Variants in TAMM41 observed in about 807,000 individuals in gnomAD.
The protein encoded by TAMM41 is TAM41 mitochondrial translocator assembly and maintenance homolog.
In TAMM41, 36 loss-of-function variants were observed where a neutral mutation model predicts 44.1. The ratio of observed to expected loss-of-function variants is 0.82; its 90% CI spans 0.63 to 1.08. The LOEUF is 1.08. Ranked by LOEUF, TAMM41 falls within the 50% of genes least tolerant of loss-of-function variation. The probability of loss-of-function intolerance (pLI) is 0.00; values close to 1 mark genes in which losing one functional copy is unlikely to be tolerated. For synonymous variants in TAMM41, 164 were observed against 153.1 expected, an observed-to-expected ratio of 1.07 and a Z score of -0.53; for missense variants, 417 against 404.3, an observed-to-expected ratio of 1.03 and a Z score of -0.27.
chr3:11,793,059 C>CA (rs61264653), intron 7 of TAMM41, among the ~76,000 whole-genome samples: 10,393 of 64,940 alleles, frequency 0.16, 1,178 homozygotes, highest in Non-Finnish European at 0.21. Context: ...GGCCCCATCT[C>CA]AAAAAAAAAA....
downstream of TAMM41, among the ~76,000 whole-genome samples, chr3:11,786,141 A>G (rs984908475): frequency 4.6e-5 from 7 of 152,124 alleles, no homozygotes; most frequent in East Asian, 7.7e-4. Context: ...CAGGGCTGTT[A>G]GCAGCTTCCT....
rs931945271 is a variant in TAMM41 at position 11,808,395 on chromosome 3, G to A, written c.875-500C>T. The A allele has an allele frequency of 1.6e-5, 16 of 995,704 alleles. No individual in the cohort carries two copies. In the South Asian group the frequency reaches 5.9e-4, roughly 37 times the overall value. The allele number at this position is 995,704 out of a possible 1,614,324, so 61.7% of individuals were successfully genotyped here. ...ATCATGTTCAAACAAACAACAGTGT[G>A]CCTCGTACAGAGCTATCTTCAGGAT... On this transcript the variant is annotated intron_variant, in intron 6 of 7. Coordinates refer to ENST00000455809, the MANE Select transcript of TAMM41 (RefSeq NM_001284401.2).
At chr3:11,799,738 CAA>C (rs2077700056) in intron 7 of TAMM41, among the ~76,000 whole-genome samples, 1 of 152,146 alleles carries the variant, frequency 6.6e-6, no homozygotes, top group African/African-American at 2.4e-5. Flanking sequence ...ACAAGAGACC[CAA>C]TGACCCCCAG....
chr3:11,736,893 C>G, the TAMM41 span, among the ~76,000 whole-genome samples: 1 of 152,148 alleles, frequency 6.6e-6, no homozygotes, highest in South Asian at 2.1e-4. Flanking sequence ...GGCTAAGACA[C>G]AGGCTCAGCC....
At chr3:11,839,147 A>T in intron 3 of TAMM41, 75 bp downstream of exon 3, 1 of 877,552 alleles carries the variant, frequency 1.1e-6, no homozygotes, top group Non-Finnish European at 1.8e-6. Flanking sequence ...ATCTCATTGC[A>T]ATCACAATGA....
At chr3:11,797,876 C>A (rs2077648482) in intron 7 of TAMM41, among the ~76,000 whole-genome samples, 1 of 152,042 alleles carries the variant, frequency 6.6e-6, no homozygotes, top group Non-Finnish European at 1.5e-5. Context: ...ATACATGCAG[C>A]CAACAATCAA....
chr3:11,791,781 C>T (rs964542712), intron 7 of TAMM41, among the ~76,000 whole-genome samples: 1 of 152,172 alleles, frequency 6.6e-6, no homozygotes, highest in Admixed American at 6.5e-5. Flanking sequence ...ATGAATACTT[C>T]CAGACACTCT....
At chr3:11,746,915 C>T in the TAMM41 span, among the ~76,000 whole-genome samples, 1 of 152,160 alleles carries the variant, frequency 6.6e-6, no homozygotes, top group Admixed American at 6.5e-5. Flanking sequence ...GGATTATAGG[C>T]ATGAGCCACT....
the TAMM41 span, among the ~76,000 whole-genome samples, chr3:11,753,904 G>A: frequency 6.6e-6 from 1 of 152,120 alleles, no homozygotes; most frequent in Non-Finnish European, 1.5e-5. Flanking sequence ...GATAAAGGGG[G>A]CATGGCCAGA....
At chr3:11,735,818 A>G in the TAMM41 span, among the ~76,000 whole-genome samples, 1 of 152,228 alleles carries the variant, frequency 6.6e-6, no homozygotes, top group South Asian at 2.1e-4. Context: ...TAATGAGGGA[A>G]GAATGTGATG....
At chr3:11,752,348 G>A in the TAMM41 span, among the ~76,000 whole-genome samples, 4,321 of 152,138 alleles carry the variant, frequency 0.028, 210 homozygotes, top group African/African-American at 0.099. Context: ...AAGGGGACCC[G>A]AGTGGGTTGC....
At chr3:11,767,711 C>T in the TAMM41 span, among the ~76,000 whole-genome samples, 7 of 136,146 alleles carry the variant, frequency 5.1e-5, no homozygotes, top group African/African-American at 1.4e-4. Flanking sequence ...CTGCAACCTC[C>T]GCCTCCCGGG....
chr3:11,746,473 C>G, the TAMM41 span, among the ~76,000 whole-genome samples: 1 of 151,936 alleles, frequency 6.6e-6, no homozygotes, highest in African/African-American at 2.4e-5. Flanking sequence ...TGTCCATCAA[C>G]AGATGGACAT....
chr3:11,788,563 C>T (rs1272244157), downstream of TAMM41, among the ~76,000 whole-genome samples: 2 of 152,146 alleles, frequency 1.3e-5, no homozygotes, highest in Admixed American at 6.5e-5. Context: ...TGCTGGGATT[C>T]CAAGCATGAG....
chr3:11,800,337 C>T lies in TAMM41; in HGVS notation c.937+7496G>A, dbSNP rs7617056. Among the ~76,000 whole-genome samples the T allele has an allele frequency of 2.3e-3, 349 of 151,932 alleles. 1 individual carries two copies. Among genetic ancestry groups the T allele is most frequent in the Non-Finnish European group, 3.7e-3 (249 of 67,938 alleles). On this transcript the variant is annotated intron_variant, in intron 7 of 7. Transcript: ENST00000455809. ...TCAATATTAACTTTAAATGTAAATGCATTAAATGCTTCATTTAAAAGATAC... is the reference window on the plus strand; with the variant it reads ...TCAATATTAACTTTAAATGTAAATGTATTAAATGCTTCATTTAAAAGATAC...
At chr3:11,824,509 G>A (rs893556490) in intron 4 of TAMM41, among the ~76,000 whole-genome samples, 1 of 151,386 alleles carries the variant, frequency 6.6e-6, no homozygotes, top group African/African-American at 2.4e-5. Flanking sequence ...GGCCAGGTTG[G>A]TCTCGAACTC....
chr3:11,805,225 C>T (rs983362638), intron 7 of TAMM41, among the ~76,000 whole-genome samples: 2 of 152,066 alleles, frequency 1.3e-5, no homozygotes, highest in Non-Finnish European at 2.9e-5. Context: ...TGGTCTCAAA[C>T]CCCTGAGCTC....
Position 11,829,884 on chromosome 3 carries a change from G to T in TAMM41, c.412-20C>A, listed in dbSNP as rs773989439. On this transcript the variant is annotated intron_variant, in intron 3 of 7. Transcript: ENST00000455809. ...TTTCACCTGAAAGAAGCAGAACATT[G>T]GGAAGAAAAATTCCAGAAGTGGAGT... 6.2e-7 allele frequency: 1 copy of T among 1,612,106 alleles called. No homozygotes were observed. The highest frequency in any genetic ancestry group is 2.2e-5 in the East Asian group (1 of 44,852).
At chr3:11,813,042 C>T (rs1022610031) in intron 5 of TAMM41, among the ~76,000 whole-genome samples, 16 of 152,152 alleles carry the variant, frequency 1.1e-4, no homozygotes, top group African/African-American at 3.6e-4. Flanking sequence ...ATCATGCAGG[C>T]TTTTATAGGC....
Sources: gnomAD v4.1 joint callset for allele counts (sites outside exome capture counted in the v4.1 genomes callset) on GRCh38, gnomAD v4.1.1 for gene constraint, MANE v1.5 for transcripts, NCBI Gene and HGNC (gene_info 2026-07-23, HGNC 2026-07-21) for gene names.